The following FARP1 variants were observed in gnomAD, a reference collection of about 807,000 sequenced individuals.
FARP1 encodes the protein FERM, ARHGEF and pleckstrin domain-containing protein 1.
A neutral mutation model predicts 128.8 loss-of-function variants in FARP1; 52 were observed. The ratio of observed to expected loss-of-function variants is 0.40; its 90% CI spans 0.32 to 0.51. The LOEUF is 0.51. Among genes scored for constraint, FARP1 ranks in the 20% least tolerant of loss-of-function variants. FARP1 has a pLI of 0.45. For missense variants in FARP1, 1,333 were observed against 1,367.9 expected, an observed-to-expected ratio of 0.97 and a Z score of 0.40; for synonymous variants, 580 against 551.8, an observed-to-expected ratio of 1.05 and a Z score of -0.72.
intron 6 of FARP1, among the ~76,000 whole-genome samples, chr13:98,378,796 TTAGA>T (rs1889699796): frequency 6.7e-6 from 1 of 149,412 alleles, no homozygotes; most frequent in Non-Finnish European, 1.5e-5. Context: ...TGAGCACTTA[TTAGA>T]TAGATGTTTT....
At position 98,453,072 on chromosome 13, in the gene FARP1, C is replaced by T; in HGVS notation, c.*4755C>T. Reference sequence around the variant, plus strand: ...CGCTGGGGTGGCTCCCAGTGGCGCACCTCTTCGGTGGAGTCAGCGAAGGCT... The same window carrying T: ...CGCTGGGGTGGCTCCCAGTGGCGCATCTCTTCGGTGGAGTCAGCGAAGGCT... On this transcript the variant is annotated 3_prime_UTR_variant, in exon 27 of 27. Transcript: ENST00000319562. 7.1e-7 allele frequency: 1 copy of T among 1,413,146 alleles called. No individual in the cohort carries two copies. The highest frequency in any genetic ancestry group is 9.8e-7 in the Non-Finnish European group (1 of 1,016,590). 87.5% of individuals were successfully genotyped at this position (1,413,146 alleles called of 1,614,324 possible). A position where few individuals can be genotyped will look rare whatever the true frequency, so the allele number is the denominator to read the frequency against.
At chr13:98,310,303 T>C (rs1566861736) in intron 2 of FARP1, among the ~76,000 whole-genome samples, 4 of 152,064 alleles carry the variant, frequency 2.6e-5, no homozygotes, top group Admixed American at 2.6e-4. Flanking sequence ...CTAAATACCA[T>C]GGCTAAACCC....
intron 2 of FARP1, chr13:98,338,998 C>G (rs1046378548): frequency 1.2e-4 from 19 of 152,136 alleles, no homozygotes; most frequent in African/African-American, 4.6e-4. Context: ...GTTCAGGACC[C>G]CTTTCTAAAA....
chr13:98,154,227 G>T (rs1200629001), intron 1 of FARP1, among the ~76,000 whole-genome samples: 2 of 152,160 alleles, frequency 1.3e-5, no homozygotes, highest in Non-Finnish European at 2.9e-5. Context: ...GAATAGAGCT[G>T]CTATAAACTC....
Position 98,176,990 on chromosome 13 carries a change from C to T in FARP1, c.-24+33498C>T, listed in dbSNP as rs1878111821. 5 of 1,599,084 alleles carry T rather than the reference C, an allele frequency of 3.1e-6. No homozygotes were observed. In the South Asian group the frequency reaches 3.3e-5, roughly 11 times the overall value. Reference sequence around the variant, plus strand: ...TCGAGGCTCTCAGGCGCCGCCTCCTCGCCCCTCCTGTCGCCGTGAGCCGCC... The same window carrying T: ...TCGAGGCTCTCAGGCGCCGCCTCCTTGCCCCTCCTGTCGCCGTGAGCCGCC... On this transcript the variant is annotated intron_variant, in intron 1 of 26. Transcript: ENST00000319562. This position sits in a 1 kb window ranked among gnomAD's most constrained non-coding sequence, Gnocchi z 6.2.
chr13:98,405,090 A>AT (rs1566296542), intron 13 of FARP1: 1 of 152,194 alleles, frequency 6.6e-6, no homozygotes, highest in East Asian at 1.9e-4. Flanking sequence ...GAAGCCTTGA[A>AT]TACCGGTACA....
chr13:98,350,715 C>T (rs1888382099), intron 3 of FARP1, among the ~76,000 whole-genome samples: 1 of 152,190 alleles, frequency 6.6e-6, no homozygotes, highest in Non-Finnish European at 1.5e-5. Flanking sequence ...ATTTTCTGTA[C>T]TCTCTGACAC....
chr13:98,230,372 A>G (rs1268674237), intron 2 of FARP1, among the ~76,000 whole-genome samples: 2 of 152,230 alleles, frequency 1.3e-5, no homozygotes, highest in Admixed American at 6.5e-5. Flanking sequence ...AATTGAGAAA[A>G]TGCATAAATG....
chr13:98,446,531 A>G (rs1244648665), intron 25 of FARP1, 135 bp from the exon 26 acceptor site: 32 of 868,384 alleles, frequency 3.7e-5, no homozygotes, highest in Non-Finnish European at 5.8e-5. Flanking sequence ...ACTGGCTGCC[A>G]TGGTCCCTTC....
intron 2 of FARP1, among the ~76,000 whole-genome samples, chr13:98,271,055 G>A (rs1884367355): frequency 6.6e-6 from 1 of 152,190 alleles, no homozygotes; most frequent in Non-Finnish European, 1.5e-5. Flanking sequence ...ACATTTTGCT[G>A]ATGTCTCAAT....
At chr13:98,208,783 T>A (rs935593992) in intron 1 of FARP1, among the ~76,000 whole-genome samples, 17 of 152,178 alleles carry the variant, frequency 1.1e-4, no homozygotes, top group Non-Finnish European at 2.4e-4. Flanking sequence ...GTGGATGTGA[T>A]CCCATAGTTT....
intron 5 of FARP1, among the ~76,000 whole-genome samples, chr13:98,374,872 AGAG>A (rs1479518516): frequency 6.6e-6 from 1 of 152,212 alleles, no homozygotes; most frequent in East Asian, 1.9e-4. Flanking sequence ...ACATGGTGGG[AGAG>A]GAGGTGGGTG....
intron 7 of FARP1, 37 bp downstream of exon 7, chr13:98,384,881 C>T (rs779252785): frequency 1.1e-5 from 14 of 1,326,532 alleles, no homozygotes; most frequent in South Asian, 3.5e-5. Context: ...CCCTCTGAGC[C>T]GGTTCTCTCT....
intron 3 of FARP1, 117 bp downstream of exon 3, chr13:98,343,983 T>C: frequency 1.4e-6 from 1 of 730,198 alleles, no homozygotes; most frequent in Non-Finnish European, 2.4e-6. Context: ...CTGTTTTGTC[T>C]GTGAAGTCTT....
chr13:98,446,228 G>A, intron 25 of FARP1, 23 bp downstream of exon 25: 3 of 1,518,934 alleles, frequency 2.0e-6, no homozygotes, highest in Non-Finnish European at 2.7e-6. Context: ...CACAGGGCAG[G>A]TGGCCCTGGG....
Position 98,387,317 on chromosome 13 carries a change from G to A in FARP1, c.760-1066G>A, listed in dbSNP as rs1489965414. Among the ~76,000 whole-genome samples, 3 of 152,036 alleles carry A rather than the reference G, an allele frequency of 2.0e-5. No individual in the cohort carries two copies. In the East Asian group the frequency reaches 5.8e-4, roughly 29 times the overall value. ...CTGTCTCAAAAAGAAAAACAATAAA[G>A]CCAAGTGGAGTTTTGAGTACTATCA... On this transcript the variant is annotated intron_variant, in intron 8 of 26. Transcript: ENST00000319562.
chr13:98,173,226 G>T (rs562687783), intron 1 of FARP1, among the ~76,000 whole-genome samples: 1 of 152,142 alleles, frequency 6.6e-6, no homozygotes, highest in Non-Finnish European at 1.5e-5. Context: ...ATTTGTTCTT[G>T]AGAGTTCTGT....
intron 1 of FARP1, among the ~76,000 whole-genome samples, chr13:98,212,618 G>T (rs1003118172): frequency 1.3e-5 from 2 of 151,748 alleles, no homozygotes; most frequent in Admixed American, 6.6e-5. Context: ...GAAATAGTTG[G>T]GGGGGTGGGT....
Position 98,390,830 on chromosome 13 carries a change from G to C in FARP1, c.1038G>C (p.Gln346His). The C allele has an allele frequency of 6.2e-7, 1 of 1,613,748 alleles. No individual in the cohort carries two copies. Among genetic ancestry groups the C allele is most frequent in the Non-Finnish European group, 8.5e-7 (1 of 1,179,758 alleles). The change falls in exon 11 of 27, where the codon CAG (glutamine) becomes CAC (histidine). Residue 346 changes from glutamine (Q) to histidine (H), a missense_variant. Gln to His is a conservative substitution (Grantham distance 24, BLOSUM62 0). Transcript: ENST00000319562. ...SFRFSGRTQK[Q>H]VLDYVKEGGH... ...GTTTCAGTGGTCGGACTCAGAAGCA[G>C]GTTCTCGACTATGTTAAAGAAGGAG... is the stretch of plus-strand genomic sequence containing the variant.
Sources: allele counts gnomAD v4.1 joint callset (sites outside exome capture counted in the v4.1 genomes callset), GRCh38; gene constraint gnomAD v4.1.1; non-coding constraint Gnocchi (gnomAD v3.1); transcripts MANE v1.5; gene names NCBI Gene and HGNC (gene_info 2026-07-23, HGNC 2026-07-21).